Variants in OR10J1 observed in about 807,000 individuals in gnomAD.
The protein encoded by OR10J1 is olfactory receptor family 10 subfamily J member 1, also known as olfactory receptor 10J1.
For missense variants in OR10J1, 474 were observed against 376.6 expected, an observed-to-expected ratio of 1.26 and a Z score of -2.14; for synonymous variants, 202 against 143.8, an observed-to-expected ratio of 1.40 and a Z score of -2.89.
At chr1:159,425,590 G>A in the OR10J1 span, among the ~76,000 whole-genome samples, 1 of 151,892 alleles carries the variant, frequency 6.6e-6, no homozygotes, top group Non-Finnish European at 1.5e-5. Flanking sequence ...CAAAAAATTA[G>A]CAAGAAAAAA....
At chr1:159,405,607 G>T in the OR10J1 span, 1 of 403,000 alleles carries the variant, frequency 2.5e-6, no homozygotes, top group South Asian at 2.4e-5. Context: ...GTAGATGATG[G>T]AAATATAGCC....
At chr1:159,432,713 T>C in the OR10J1 span, 2 of 404,606 alleles carry the variant, frequency 4.9e-6, no homozygotes, top group Non-Finnish European at 4.4e-6. Flanking sequence ...TTCCCTTCTG[T>C]GATGCTAATC....
At chr1:159,424,216 C>CA in the OR10J1 span, among the ~76,000 whole-genome samples, 2,251 of 98,294 alleles carry the variant, frequency 0.023, 43 homozygotes, top group East Asian at 0.084. Context: ...ACTCCATCTC[C>CA]AAAAAAAAAA....
chr1:159,399,208 A>G, the OR10J1 span, among the ~76,000 whole-genome samples: 1 of 152,142 alleles, frequency 6.6e-6, no homozygotes, highest in Non-Finnish European at 1.5e-5. Flanking sequence ...TCCTTGAAAT[A>G]TGAAGGTAAA....
At chr1:159,424,788 G>GA in the OR10J1 span, among the ~76,000 whole-genome samples, 1 of 151,930 alleles carries the variant, frequency 6.6e-6, no homozygotes. Flanking sequence ...GTTCCAAACA[G>GA]AAAAATAGAG....
At chr1:159,434,637 AG>A (rs1272398997), upstream of OR10J1, among the ~76,000 whole-genome samples, 4 of 152,140 alleles carry the variant, frequency 2.6e-5, no homozygotes, top group Admixed American at 2.0e-4. Flanking sequence ...TTGAACAGAG[AG>A]GCATGCATTC....
At chr1:159,408,831 A>T in the OR10J1 span, among the ~76,000 whole-genome samples, 3 of 152,218 alleles carry the variant, frequency 2.0e-5, no homozygotes, top group South Asian at 4.1e-4. Context: ...AATTATTATT[A>T]TCATGATTAG....
chr1:159,424,993 G>C, the OR10J1 span, among the ~76,000 whole-genome samples: 5 of 152,062 alleles, frequency 3.3e-5, no homozygotes, highest in African/African-American at 9.7e-5. Context: ...AAAACACATC[G>C]TGTTAAAAGA....
the OR10J1 span, among the ~76,000 whole-genome samples, chr1:159,399,093 T>C: frequency 6.6e-6 from 1 of 152,014 alleles, no homozygotes; most frequent in Non-Finnish European, 1.5e-5. Flanking sequence ...GGCAGTGGAC[T>C]TCTCAGTGGA....
chr1:159,424,734 A>C, the OR10J1 span, among the ~76,000 whole-genome samples: 1 of 152,124 alleles, frequency 6.6e-6, no homozygotes, highest in Non-Finnish European at 1.5e-5. Flanking sequence ...GAGACAAAAC[A>C]ATGTGAAGAT....
chr1:159,424,337 A>G, the OR10J1 span, among the ~76,000 whole-genome samples: 2 of 151,348 alleles, frequency 1.3e-5, no homozygotes, highest in Non-Finnish European at 2.9e-5. Flanking sequence ...ATATGCACAT[A>G]CATATGATTT....
the OR10J1 span, among the ~76,000 whole-genome samples, chr1:159,409,532 A>G: frequency 6.6e-6 from 1 of 152,094 alleles, no homozygotes; most frequent in Non-Finnish European, 1.5e-5. Flanking sequence ...AACCAGCTGC[A>G]AAGAGATTTT....
chr1:159,440,823 A>T lies in OR10J1; in HGVS notation c.*102A>T. ...TGGCTCCTAGAGACCTGCCCCTTAA[A>T]TAAGAGGCAAAAGAGGAATAGCAGT... On this transcript the variant is annotated 3_prime_UTR_variant, in exon 1 of 1. Transcript: ENST00000423932. 5 of 1,240,610 alleles carry T rather than the reference A, an allele frequency of 4.0e-6. No individual in the cohort carries two copies. Among genetic ancestry groups the T allele is most frequent in the Non-Finnish European group, 5.6e-6 (5 of 899,330 alleles). The allele number at this position is 1,240,610 out of a possible 1,614,324, so 76.9% of individuals were successfully genotyped here.
the OR10J1 span, chr1:159,432,377 G>A: frequency 3.0e-5 from 12 of 402,314 alleles, no homozygotes; most frequent in Admixed American, 8.8e-5. Context: ...AACTTCACAC[G>A]CCCATGTATT....
upstream of OR10J1, among the ~76,000 whole-genome samples, chr1:159,433,866 G>A (rs1278398547): frequency 1.3e-5 from 2 of 152,110 alleles, no homozygotes; most frequent in Admixed American, 1.3e-4. Flanking sequence ...GTGCATAGTA[G>A]ATGTTAGATA....
At chr1:159,412,223 G>A in the OR10J1 span, among the ~76,000 whole-genome samples, 3 of 151,998 alleles carry the variant, frequency 2.0e-5, no homozygotes, top group East Asian at 3.9e-4. Context: ...CCATGCTCAT[G>A]GGTAGGAAGA....
rs774464002 is a variant in OR10J1, at chr1:159,440,660, C to T, written c.869C>T (p.Thr290Ile). Residue 290 changes from threonine to isoleucine, a missense_variant, in exon 1 of 1, where the codon ACC becomes ATC. By Grantham distance (89) the Thr-to-Ile change is moderately conservative (BLOSUM62 -1). Transcript: ENST00000423932. ...ITPLLNPVVYTLRNKEVKDAL... is the reference protein window; with the variant it reads ...ITPLLNPVVYILRNKEVKDAL... ...CCCCTACTGAACCCTGTGGTATACA[C>T]CCTGAGAAATAAAGAGGTCAAAGAT... is the stretch of plus-strand genomic sequence containing the variant. 6 of 1,613,952 alleles carry T rather than the reference C, an allele frequency of 3.7e-6. No homozygotes were observed. The South Asian group carries it at 6.6e-5, about 18-fold the overall frequency.
chr1:159,430,444 A>C, the OR10J1 span, among the ~76,000 whole-genome samples: 1 of 152,252 alleles, frequency 6.6e-6, no homozygotes, highest in South Asian at 2.1e-4. Flanking sequence ...TATATGAGTA[A>C]GTGGGGCTTG....
the OR10J1 span, among the ~76,000 whole-genome samples, chr1:159,428,810 G>C: frequency 6.6e-6 from 1 of 152,180 alleles, no homozygotes; most frequent in African/African-American, 2.4e-5. Context: ...ACTCTTCCAT[G>C]CTTGTCAGTC....
Sources: allele counts gnomAD v4.1 joint callset (sites outside exome capture counted in the v4.1 genomes callset), GRCh38; gene constraint gnomAD v4.1.1; transcripts MANE v1.5; gene names NCBI Gene and HGNC (gene_info 2026-07-23, HGNC 2026-07-21).